BDP1: variants seen among roughly 807,000 people sequenced by gnomAD.
The protein encoded by BDP1 is BDP1 general transcription factor IIIB subunit.
In BDP1, 169 loss-of-function variants were observed where a neutral mutation model predicts 266.6. The observed-to-expected ratio is 0.63, with a 90% CI of 0.56 to 0.72. BDP1 has a LOEUF of 0.72. BDP1 is among the 30% of genes least tolerant of loss of function. The pLI is 0.00. For synonymous variants in BDP1, 1,090 were observed against 1,022.4 expected (o/e 1.07, Z -1.26); for missense variants, 3,015 against 3,053.8 (o/e 0.99, Z 0.30).
chr5:71,507,770 G>A (rs150779823), intron 16 of BDP1, among the ~76,000 whole-genome samples: 10 of 152,266 alleles, frequency 6.6e-5, no homozygotes, highest in East Asian at 3.9e-4. Context: ...TACATTTAAC[G>A]TTGTCAATTG....
chr5:71,502,815 C>A, intron 15 of BDP1, 24 bp downstream of exon 15: 2 of 1,590,736 alleles, frequency 1.3e-6, no homozygotes, highest in Non-Finnish European at 1.7e-6. Context: ...TTCCTCCTCA[C>A]ATTTTTGGTA....
In BDP1 at chr5:71,512,255, A is replaced by C. The variant is rs180779950; in HGVS notation, c.4074A>C (p.Glu1358Asp). 37 of 1,513,496 alleles carry C rather than the reference A, an allele frequency of 2.4e-5. No homozygotes were observed. In the East Asian group the frequency reaches 8.4e-4, roughly 34 times the overall value. 93.8% of individuals were successfully genotyped at this position (1,513,496 alleles called of 1,614,324 possible). ...PSLDIQNISS[E>D]VLSMMHTPVE... ...TGTTCCTCTAGAACATTAGCAGTGA[A>C]GTACTGTCGATGATGCATACACCTG... is the stretch of plus-strand genomic sequence containing the variant. The change falls in exon 18 of 39, where the codon GAA becomes GAC. Residue 1358 changes from glutamate to aspartate, a missense_variant. Coordinates refer to ENST00000358731, the MANE Select transcript of BDP1 (RefSeq NM_018429.3).
rs539007909 is a variant in BDP1, at chr5:71,477,575, T to TA, written c.1015-6262dup. On this transcript the variant is annotated intron_variant, in intron 7 of 38. Transcript: ENST00000358731. Reference sequence around the variant, plus strand: ...TGATTACAGATTTCTTTTTTAATATTAAAAATTTTTTTTAAACACCAGCTG... The same window carrying TA: ...TGATTACAGATTTCTTTTTTAATATTAAAAAATTTTTTTTAAACACCAGCTG... 9.9e-5 allele frequency among the ~76,000 whole-genome samples: 15 copies of TA among 152,212 alleles called. No homozygotes were observed. In the South Asian group the frequency reaches 3.1e-3, roughly 32 times the overall value.
At chr5:71,459,521 C>T (rs922051808) in intron 2 of BDP1, among the ~76,000 whole-genome samples, 4 of 151,972 alleles carry the variant, frequency 2.6e-5, no homozygotes, top group South Asian at 2.1e-4. Flanking sequence ...AAAAAAAAGA[C>T]GAATATAGTT....
intron 26 of BDP1, among the ~76,000 whole-genome samples, chr5:71,534,083 G>T (rs570357078): frequency 6.6e-6 from 1 of 152,122 alleles, no homozygotes. Context: ...AAAGCAAAAA[G>T]TTTTAAATTT....
At position 71,497,427 on chromosome 5, in the gene BDP1, G is replaced by A; in HGVS notation, c.1956+1G>A. On this transcript the variant is annotated splice_donor_variant, in intron 13 of 38. Transcript: ENST00000358731. LOFTEE classifies it high-confidence loss of function. ...ACATTCAAAAACTTCAGTTGAAAAG[G>A]TATGGGGTAAGAGATTTCATGGAAA... The A allele has an allele frequency of 6.2e-7, 1 of 1,607,646 alleles. No individual in the cohort carries two copies. Among genetic ancestry groups the A allele is most frequent in the Non-Finnish European group, 8.5e-7 (1 of 1,177,598 alleles).
At chr5:71,549,192 T>C (rs548707772) in intron 33 of BDP1, among the ~76,000 whole-genome samples, 1 of 152,282 alleles carries the variant, frequency 6.6e-6, no homozygotes. Context: ...GAGCCGAGAT[T>C]GTGCCACTGT....
Position 71,486,507 on chromosome 5 carries a change from GA to G in BDP1, c.1094del (p.Asp365ValfsTer27). On this transcript the variant is annotated frameshift_variant, in exon 9 of 39. Transcript: ENST00000358731. LOFTEE classifies it high-confidence loss of function. ...AFQEKRPFDF[D>X]FFAHLLQKVL... ...AGAGGAAAAGCGCCCTTTTGACTTCGATTTTTTTGCTCATTTGCTTCAGAAA... is the reference window on the plus strand; with the variant it reads ...AGAGGAAAAGCGCCCTTTTGACTTCGTTTTTTTGCTCATTTGCTTCAGAAA... 1.3e-6 allele frequency: 2 copies of G among 1,534,292 alleles called. No homozygotes were observed. Among genetic ancestry groups the G allele is most frequent in the Non-Finnish European group, 1.7e-6 (2 of 1,154,116 alleles).
chr5:71,512,434 A>G lies in BDP1; in HGVS notation c.4247+6A>G. On this transcript the variant is annotated splice_donor_region_variant and intron_variant, in intron 18 of 38. Coordinates refer to ENST00000358731, the MANE Select transcript of BDP1 (RefSeq NM_018429.3). ...TTTTCAGATATTAATTTAAGGTACA[A>G]GTGTGTTTTTAAAGAAAAAGATATT... 2.0e-6 allele frequency: 3 copies of G among 1,499,772 alleles called. No individual in the cohort carries two copies. The highest frequency in any genetic ancestry group is 1.4e-5 in the African/African-American group (1 of 70,758). The allele number at this position is 1,499,772 out of a possible 1,614,324, so 92.9% of individuals were successfully genotyped here.
intron 14 of BDP1, among the ~76,000 whole-genome samples, 163 bp from the exon 15 acceptor site, chr5:71,502,436 A>T (rs1764307331): frequency 6.6e-6 from 1 of 152,170 alleles, no homozygotes. Flanking sequence ...GGCCTCCCAA[A>T]GTGCTGGGAT....
intron 25 of BDP1, among the ~76,000 whole-genome samples, chr5:71,530,843 C>T (rs1429299097): frequency 6.6e-6 from 1 of 152,110 alleles, no homozygotes; most frequent in African/African-American, 2.4e-5. Flanking sequence ...TTTGGGAAGC[C>T]AAGGTGGGCA....
At position 71,567,811 on chromosome 5, in the gene BDP1, T is replaced by C. The variant is rs1183663738; in HGVS notation, c.*2926T>C. On this transcript the variant is annotated 3_prime_UTR_variant, in exon 39 of 39. Coordinates refer to ENST00000358731, the MANE Select transcript of BDP1 (RefSeq NM_018429.3). ...ATATAAATTATGTAAATAAAAGTTA[T>C]TTTATATCATTTCTGTTGTGTCCTT... The C allele has an allele frequency of 1.3e-5, 2 of 152,252 alleles. No homozygotes were observed. The highest frequency in any genetic ancestry group is 4.8e-5 in the African/African-American group (2 of 41,434). 9.4% of individuals were successfully genotyped at this position (152,252 alleles called of 1,614,324 possible). A position where few individuals can be genotyped will look rare whatever the true frequency, so the allele number is the denominator to read the frequency against.
chr5:71,562,455 G>T lies in BDP1; in HGVS notation c.7678G>T (p.Asp2560Tyr), dbSNP rs780694346. The change falls in exon 38 of 39, where the codon GAT becomes TAT. Residue 2560 changes from aspartate to tyrosine, a missense_variant. Transcript: ENST00000358731. ...CCAGGAAAAAAATCGAGAGTCCTCTGATCTGCTTCCATCTCCAAGTGTTAT... is the reference window on the plus strand; with the variant it reads ...CCAGGAAAAAAATCGAGAGTCCTCTTATCTGCTTCCATCTCCAAGTGTTAT... ...ESQEKNRESS[D>Y]LLPSPSVITT... 3 of 1,613,932 alleles carry T rather than the reference G, an allele frequency of 1.9e-6. No individual in the cohort carries two copies. The highest frequency in any genetic ancestry group is 4.5e-5 in the East Asian group (2 of 44,858).
At chr5:71,465,864 G>A (rs545994605) in intron 4 of BDP1, among the ~76,000 whole-genome samples, 3 of 152,088 alleles carry the variant, frequency 2.0e-5, no homozygotes, top group Admixed American at 2.0e-4. Context: ...CTGGGTGACA[G>A]GGCGAAACTC....
intron 5 of BDP1, 110 bp downstream of exon 5, chr5:71,466,331 G>A (rs778044782): frequency 1.2e-5 from 14 of 1,133,902 alleles, no homozygotes; most frequent in South Asian, 3.2e-5. Flanking sequence ...AGACCTTGAC[G>A]TTCTTATTTG....
intron 33 of BDP1, 144 bp from the exon 34 acceptor site, chr5:71,549,276 G>A (rs931471833): frequency 5.8e-6 from 4 of 690,186 alleles, no homozygotes; most frequent in African/African-American, 5.5e-5. Flanking sequence ...TCCTCAGGCT[G>A]GGGGGTTGTT....
intron 24 of BDP1, among the ~76,000 whole-genome samples, chr5:71,523,444 G>T (rs1765611103): frequency 6.6e-6 from 1 of 152,074 alleles, no homozygotes; most frequent in Non-Finnish European, 1.5e-5. Flanking sequence ...CTCCCGAGTA[G>T]CTGGGATTAC....
chr5:71,496,512 A>G (rs1763903770), intron 12 of BDP1, among the ~76,000 whole-genome samples: 1 of 147,354 alleles, frequency 6.8e-6, no homozygotes, highest in African/African-American at 2.5e-5. Context: ...ATCATAGCTC[A>G]TTGCAACCTC....
chr5:71,476,776 T>G (rs905861961), intron 7 of BDP1, among the ~76,000 whole-genome samples: 2 of 152,088 alleles, frequency 1.3e-5, no homozygotes, highest in Admixed American at 6.5e-5. Context: ...CGGTCTAGGC[T>G]CACTGCAAGC....
Sources: gnomAD v4.1 joint callset for allele counts (sites outside exome capture counted in the v4.1 genomes callset) on GRCh38, gnomAD v4.1.1 for gene constraint, MANE v1.5 for transcripts, NCBI Gene and HGNC (gene_info 2026-07-23, HGNC 2026-07-21) for gene names.